ZNF654: variants seen among roughly 807,000 people sequenced by gnomAD.
ZNF654 encodes melanoma-associated antigen.
Under a neutral mutation model 95.3 loss-of-function variants are expected in ZNF654, and 19 were observed. The ratio of observed to expected loss-of-function variants is 0.20; its 90% CI spans 0.14 to 0.29. The LOEUF is 0.29. Among genes scored for constraint, ZNF654 ranks in the 10% least tolerant of loss-of-function variants. The probability of loss-of-function intolerance (pLI) is 1.00; values close to 1 mark genes in which losing one functional copy is unlikely to be tolerated. For synonymous variants in ZNF654, 413 were observed against 457.9 expected (o/e 0.90, Z 1.25); for missense variants, 1,046 against 1,341.0 (o/e 0.78, Z 3.44).
chr3:88,066,829 G>T (rs1707228830), intron 1 of ZNF654, among the ~76,000 whole-genome samples: 1 of 152,120 alleles, frequency 6.6e-6, no homozygotes, highest in Non-Finnish European at 1.5e-5. Context: ...GAAACCTGTA[G>T]TAAAATATGT....
intron 3 of ZNF654, among the ~76,000 whole-genome samples, chr3:88,124,707 A>G (rs1241870714): frequency 2.6e-5 from 4 of 151,556 alleles, no homozygotes; most frequent in African/African-American, 9.7e-5. Context: ...TTAATATCAG[A>G]GATTTTGTGA....
intron 1 of ZNF654, among the ~76,000 whole-genome samples, chr3:88,059,743 G>A (rs1315776079): frequency 9.2e-5 from 14 of 152,056 alleles, no homozygotes; most frequent in Non-Finnish European, 1.9e-4. Flanking sequence ...GGATGGAGGG[G>A]CTGGAAAGAA....
chr3:88,091,212 A>G lies in ZNF654; in HGVS notation c.332+4810A>G, dbSNP rs1179357369. Among the ~76,000 whole-genome samples, 6 of 152,204 alleles carry G rather than the reference A, an allele frequency of 3.9e-5. No homozygotes were observed. In the East Asian group the frequency reaches 5.8e-4, roughly 15 times the overall value. ...TGTCGTTAAGCAACATAATGACTGT[A>G]CTATGTTAGCTGCCCCATCAGAACC... On this transcript the variant is annotated intron_variant, in intron 2 of 8. Transcript: ENST00000636215.
chr3:88,076,989 T>C (rs1196718247), intron 1 of ZNF654, among the ~76,000 whole-genome samples: 2 of 152,260 alleles, frequency 1.3e-5, no homozygotes, highest in East Asian at 1.9e-4. Flanking sequence ...GAGACTCTTA[T>C]TAGTATTGTT....
chr3:88,091,377 C>T (rs1389648290), intron 2 of ZNF654, among the ~76,000 whole-genome samples: 1 of 152,178 alleles, frequency 6.6e-6, no homozygotes, highest in Non-Finnish European at 1.5e-5. Flanking sequence ...CAGTTATTCT[C>T]TACTGATTTT....
intron 5 of ZNF654, 189 bp downstream of exon 5, chr3:88,129,200 G>A: frequency 2.0e-6 from 1 of 503,756 alleles, no homozygotes; most frequent in Non-Finnish European, 3.5e-6. Context: ...GTCAAAATCT[G>A]ATATTAACAA....
chr3:88,088,636 G>A (rs180997453), intron 2 of ZNF654, among the ~76,000 whole-genome samples: 59 of 152,272 alleles, frequency 3.9e-4, no homozygotes, highest in Middle Eastern at 3.4e-3. Context: ...TACACTGTGC[G>A]TCTTTAAAAA....
intron 5 of ZNF654, among the ~76,000 whole-genome samples, chr3:88,129,321 TAAAAA>T (rs11370327): frequency 7.8e-5 from 6 of 76,946 alleles, no homozygotes; most frequent in South Asian, 5.3e-4. Flanking sequence ...TTGCCAGGAG[TAAAAA>T]AAAAAAAAAA....
chr3:88,124,962 T>C (rs1311094120), intron 3 of ZNF654, among the ~76,000 whole-genome samples: 1 of 152,184 alleles, frequency 6.6e-6, no homozygotes, highest in Non-Finnish European at 1.5e-5. Flanking sequence ...ACGCCTGTAA[T>C]CCCAGCACTT....
At chr3:88,114,083 A>C (rs1383776859) in intron 3 of ZNF654, among the ~76,000 whole-genome samples, 1 of 152,184 alleles carries the variant, frequency 6.6e-6, no homozygotes, top group East Asian at 1.9e-4. Context: ...CTAATGCACT[A>C]AGGTCTAAGA....
chr3:88,134,447 G>T (rs142111943), intron 6 of ZNF654, among the ~76,000 whole-genome samples: 81 of 151,930 alleles, frequency 5.3e-4, no homozygotes, highest in Non-Finnish European at 8.8e-4. Context: ...CATATGATTT[G>T]CCTTTGCCTA....
intron 2 of ZNF654, among the ~76,000 whole-genome samples, chr3:88,105,162 A>C (rs1448350412): frequency 1.3e-5 from 2 of 152,170 alleles, no homozygotes; most frequent in African/African-American, 4.8e-5. Flanking sequence ...AAATTACATA[A>C]AATTCAAATG....
At chr3:88,072,078 C>T (rs1297328770) in intron 1 of ZNF654, among the ~76,000 whole-genome samples, 4 of 151,802 alleles carry the variant, frequency 2.6e-5, no homozygotes, top group Non-Finnish European at 5.9e-5. Context: ...AGAGGGTATT[C>T]CTTTAAGAAA....
At chr3:88,081,894 A>G (rs1708095175) in intron 1 of ZNF654, among the ~76,000 whole-genome samples, 2 of 152,196 alleles carry the variant, frequency 1.3e-5, no homozygotes, top group Non-Finnish European at 2.9e-5. Context: ...ATAGCTAGGA[A>G]ATACTTTTAT....
At chr3:88,089,490 TA>T (rs11425740) in intron 2 of ZNF654, among the ~76,000 whole-genome samples, 45 of 147,726 alleles carry the variant, frequency 3.0e-4, no homozygotes, top group African/African-American at 6.2e-4. Context: ...AAACTCTGTT[TA>T]AAAAAAAAAA....
intron 2 of ZNF654, among the ~76,000 whole-genome samples, chr3:88,096,527 T>G (rs1256583648): frequency 6.6e-6 from 1 of 152,160 alleles, no homozygotes; most frequent in African/African-American, 2.4e-5. Context: ...ACCTTTGTTT[T>G]GGAAGACATT....
intron 2 of ZNF654, among the ~76,000 whole-genome samples, chr3:88,102,534 T>A (rs1311417289): frequency 1.3e-5 from 2 of 152,232 alleles, no homozygotes; most frequent in Non-Finnish European, 2.9e-5. Flanking sequence ...ATTTCTTTAC[T>A]TAACATGGTT....
intron 1 of ZNF654, among the ~76,000 whole-genome samples, chr3:88,059,835 T>C (rs1706749473): frequency 6.6e-6 from 1 of 152,140 alleles, no homozygotes; most frequent in South Asian, 2.1e-4. Context: ...AGTCCCGCCT[T>C]TCTTATGTTT....
chr3:88,059,390 CGCTGGGCCCTGTGGG>C lies in ZNF654; in HGVS notation c.75_89del (p.Gly26_Leu30del). On this transcript the variant is annotated inframe_deletion, in exon 1 of 9. Coordinates refer to ENST00000636215, the MANE Select transcript of ZNF654 (RefSeq NM_001350134.2). ...GAGCTTGTGGCCATTGTGGAGTCCC[CGCTGGGCCCTGTGGG>C]GCTTAGAGCTGCGGGCGACGGCAGA... 1 of 1,535,258 alleles carries C rather than the reference CGCTGGGCCCTGTGGG, an allele frequency of 6.5e-7. No individual in the cohort carries two copies. The highest frequency in any genetic ancestry group is 1.2e-5 in the South Asian group (1 of 84,046).
Sources: gnomAD v4.1 joint callset for allele counts (sites outside exome capture counted in the v4.1 genomes callset) on GRCh38, gnomAD v4.1.1 for gene constraint, MANE v1.5 for transcripts, NCBI Gene and HGNC (gene_info 2026-07-23, HGNC 2026-07-21) for gene names.